The following HSDL2 variants were observed in gnomAD, a reference collection of about 807,000 sequenced individuals.
HSDL2 encodes the protein hydroxysteroid dehydrogenase-like protein 2.
HSDL2 carries 27 observed loss-of-function variants against 46.3 expected under a neutral mutation model. That is an observed-to-expected ratio of 0.58 (90% CI 0.43 to 0.80). The LOEUF (loss-of-function observed/expected upper bound fraction) is 0.80. HSDL2 is among the 30% of genes least tolerant of loss of function. The probability of loss-of-function intolerance (pLI) is 0.00; values close to 1 mark genes in which losing one functional copy is unlikely to be tolerated. For synonymous variants in HSDL2, 153 were observed against 163.6 expected (o/e 0.94, Z 0.50); for missense variants, 451 against 502.7 (o/e 0.90, Z 0.98).
At chr9:112,421,156 C>A (rs1329767613) in intron 6 of HSDL2, among the ~76,000 whole-genome samples, 1 of 151,986 alleles carries the variant, frequency 6.6e-6, no homozygotes, top group African/African-American at 2.4e-5. Flanking sequence ...ATAGTGAGAC[C>A]CCATCTCTAC....
At chr9:112,454,247 T>A in intron 9 of HSDL2, 85 bp downstream of exon 9, 1 of 1,099,062 alleles carries the variant, frequency 9.1e-7, no homozygotes, top group Non-Finnish European at 1.3e-6. Flanking sequence ...CCAACAGTGA[T>A]CCCCTGGATA....
intron 8 of HSDL2, among the ~76,000 whole-genome samples, chr9:112,444,834 GTTTTTTT>G: frequency 1.3e-5 from 1 of 79,658 alleles, no homozygotes; most frequent in African/African-American, 5.5e-5. Flanking sequence ...ACTCAGTCTT[GTTTTTTT>G]TTTTTTTTTT....
intron 6 of HSDL2, among the ~76,000 whole-genome samples, chr9:112,433,362 T>C (rs1025914422): frequency 6.6e-6 from 1 of 152,120 alleles, no homozygotes; most frequent in Non-Finnish European, 1.5e-5. Flanking sequence ...TTGACTGGAA[T>C]GTTGGGTGAG....
chr9:112,381,605 C>T lies in HSDL2; in HGVS notation c.17+1425C>T, dbSNP rs572688970. On this transcript the variant is annotated intron_variant, in intron 1 of 10. Coordinates refer to ENST00000398805, the MANE Select transcript of HSDL2 (RefSeq NM_032303.5). Reference sequence around the variant, plus strand: ...TCATGACCTCGTGATCCGTCTGCCTCGGCCTCCCAAAGTGCTGGGATTACA... The same window carrying T: ...TCATGACCTCGTGATCCGTCTGCCTTGGCCTCCCAAAGTGCTGGGATTACA... 1.8e-4 allele frequency among the ~76,000 whole-genome samples: 27 copies of T among 152,254 alleles called. 1 individual carries two copies. In the East Asian group the frequency reaches 5.1e-3, roughly 29 times the overall value.
At chr9:112,431,238 G>A (rs1344581183) in intron 6 of HSDL2, among the ~76,000 whole-genome samples, 1 of 151,954 alleles carries the variant, frequency 6.6e-6, no homozygotes, top group Non-Finnish European at 1.5e-5. Flanking sequence ...CAGCAGGCCT[G>A]GTGAATGAGG....
At chr9:112,457,685 C>T (rs890929445) in intron 9 of HSDL2, among the ~76,000 whole-genome samples, 5 of 152,116 alleles carry the variant, frequency 3.3e-5, no homozygotes, top group Non-Finnish European at 5.9e-5. Flanking sequence ...CTTCAGTAGT[C>T]TTCTCTCACT....
chr9:112,390,716 G>T lies in HSDL2; in HGVS notation c.17+10536G>T, dbSNP rs758135513. 2.6e-5 allele frequency among the ~76,000 whole-genome samples: 4 copies of T among 151,996 alleles called. 1 individual carries two copies. Among genetic ancestry groups the T allele is most frequent in the Non-Finnish European group, 5.9e-5 (4 of 68,012 alleles). ...GATCCTCCCATCACGGCCTCCCAAA[G>T]TACTGGGATTATAGGTCTGAGCTAC... On this transcript the variant is annotated intron_variant, in intron 1 of 10. Transcript: ENST00000398805.
chr9:112,427,657 A>G (rs908395737), intron 6 of HSDL2, among the ~76,000 whole-genome samples: 1 of 151,908 alleles, frequency 6.6e-6, no homozygotes, highest in African/African-American at 2.4e-5. Flanking sequence ...TTTTCTTGCC[A>G]CTTATTTCTT....
intron 1 of HSDL2, among the ~76,000 whole-genome samples, chr9:112,382,852 A>G (rs994311212): frequency 6.6e-6 from 1 of 152,018 alleles, no homozygotes; most frequent in Non-Finnish European, 1.5e-5. Flanking sequence ...CTTTGATTAT[A>G]CTGTTTATTT....
intron 1 of HSDL2, among the ~76,000 whole-genome samples, chr9:112,395,144 AAAAG>A (rs1297257802): frequency 1.3e-5 from 2 of 152,168 alleles, no homozygotes; most frequent in African/African-American, 4.8e-5. Flanking sequence ...CGTAAGGAGA[AAAAG>A]AAAGGTAATT....
intron 6 of HSDL2, among the ~76,000 whole-genome samples, chr9:112,429,362 C>T (rs879199222): frequency 6.6e-6 from 1 of 152,172 alleles, no homozygotes; most frequent in Non-Finnish European, 1.5e-5. Flanking sequence ...CAATCCTTAC[C>T]CTCAAGGAGT....
intron 8 of HSDL2, among the ~76,000 whole-genome samples, chr9:112,451,992 CA>C (rs1389173293): frequency 1.3e-5 from 2 of 152,058 alleles, no homozygotes; most frequent in African/African-American, 4.8e-5. Context: ...CAATAAAAAG[CA>C]GTGTCATGCT....
intron 6 of HSDL2, among the ~76,000 whole-genome samples, chr9:112,425,222 T>A (rs1369165174): frequency 5.3e-5 from 8 of 152,176 alleles, no homozygotes; most frequent in Admixed American, 5.2e-4. Context: ...GTTAAAGCAT[T>A]AAGGTCTTAC....
At chr9:112,389,384 A>G (rs1233825817) in intron 1 of HSDL2, among the ~76,000 whole-genome samples, 1 of 152,218 alleles carries the variant, frequency 6.6e-6, no homozygotes, top group Admixed American at 6.5e-5. Context: ...GGAGAAGGAG[A>G]GAAAATGAGC....
chr9:112,451,958 T>C (rs1376530696), intron 8 of HSDL2, among the ~76,000 whole-genome samples: 8 of 152,228 alleles, frequency 5.3e-5, no homozygotes, highest in African/African-American at 1.7e-4. Context: ...ATCTGATCAC[T>C]GTTTCTGAAT....
Position 112,405,005 on chromosome 9 carries a change from G to A in HSDL2, c.182-619G>A, listed in dbSNP as rs537473605. On this transcript the variant is annotated intron_variant, in intron 2 of 10. Coordinates refer to ENST00000398805, the MANE Select transcript of HSDL2 (RefSeq NM_032303.5). ...GATGGATTCCTGTTAGTTTATTACA[G>A]CATCTTTACATTTTTATATAGTTTA... 9.9e-5 allele frequency among the ~76,000 whole-genome samples: 15 copies of A among 152,282 alleles called. No individual in the cohort carries two copies. In the South Asian group the frequency reaches 2.9e-3, roughly 29 times the overall value.
intron 10 of HSDL2, among the ~76,000 whole-genome samples, chr9:112,459,879 TTA>T (rs1833152934): frequency 6.6e-6 from 1 of 152,162 alleles, no homozygotes; most frequent in Admixed American, 6.5e-5. Context: ...GCCTAAGGTA[TTA>T]TGTTTCCAAT....
At chr9:112,426,965 C>A (rs766534782) in intron 6 of HSDL2, among the ~76,000 whole-genome samples, 22 of 152,188 alleles carry the variant, frequency 1.4e-4, no homozygotes, top group Non-Finnish European at 2.2e-4. Context: ...CATGGCCAAT[C>A]TAGTTTTACC....
intron 1 of HSDL2, among the ~76,000 whole-genome samples, chr9:112,391,886 CA>C (rs769571189): frequency 2.0e-4 from 11 of 55,194 alleles, no homozygotes; most frequent in Non-Finnish European, 1.2e-4. Context: ...AACTCTGTCT[CA>C]AAAAAAAAAA....
Sources: allele counts gnomAD v4.1 joint callset (sites outside exome capture counted in the v4.1 genomes callset), GRCh38; gene constraint gnomAD v4.1.1; transcripts MANE v1.5; gene names NCBI Gene and HGNC (gene_info 2026-07-23, HGNC 2026-07-21).